The following LIN54 variants were observed in gnomAD, a reference collection of about 807,000 sequenced individuals.
The protein encoded by LIN54 is protein lin-54 homolog.
Under a neutral mutation model 78.7 loss-of-function variants are expected in LIN54, and 9 were observed. That is an observed-to-expected ratio of 0.11 (90% confidence interval 0.07 to 0.20). The LOEUF (loss-of-function observed/expected upper bound fraction) is 0.20, where lower values mean the gene tolerates loss of function less well. Ranked by LOEUF, LIN54 falls within the 10% of genes least tolerant of loss-of-function variation. The pLI is 1.00. For missense variants in LIN54, 573 were observed against 889.9 expected (o/e 0.64, Z 4.53); for synonymous variants, 269 against 318.4 (o/e 0.84, Z 1.65).
intron 1 of LIN54, among the ~76,000 whole-genome samples, chr4:83,004,536 CTAGAGTGCAAT>C (rs1433410991): frequency 6.9e-6 from 1 of 143,894 alleles, no homozygotes; most frequent in Non-Finnish European, 1.6e-5. Context: ...TGTCGTCAGG[CTAGAGTGCAAT>C]GCCAAGATCA....
chr4:83,007,239 A>C (rs916103315), intron 1 of LIN54, among the ~76,000 whole-genome samples: 2 of 152,204 alleles, frequency 1.3e-5, no homozygotes, highest in African/African-American at 4.8e-5. Flanking sequence ...TCACATACTC[A>C]ATGAATAGGG....
intron 1 of LIN54, among the ~76,000 whole-genome samples, chr4:82,989,466 T>C (rs1163807542): frequency 6.6e-6 from 1 of 152,192 alleles, no homozygotes; most frequent in African/African-American, 2.4e-5. Context: ...CCACTCACAA[T>C]GTCACACTAG....
chr4:82,959,800 C>G (rs1724643180), intron 4 of LIN54, among the ~76,000 whole-genome samples: 1 of 152,056 alleles, frequency 6.6e-6, no homozygotes, highest in African/African-American at 2.4e-5. Context: ...AAACATTGTT[C>G]TCACAGATAA....
At chr4:83,000,905 C>G (rs1330605489) in intron 1 of LIN54, among the ~76,000 whole-genome samples, 1 of 146,018 alleles carries the variant, frequency 6.8e-6, no homozygotes, top group Non-Finnish European at 1.5e-5. Flanking sequence ...GCAACCTCTG[C>G]CTCCCAGGTT....
intron 4 of LIN54, among the ~76,000 whole-genome samples, chr4:82,962,578 T>C (rs1281478628): frequency 6.6e-6 from 1 of 151,814 alleles, no homozygotes; most frequent in African/African-American, 2.4e-5. Context: ...ATAAAAGGAA[T>C]TTCAGCAGAG....
chr4:82,995,509 T>TG (rs1728128043), intron 1 of LIN54, among the ~76,000 whole-genome samples: 1 of 141,076 alleles, frequency 7.1e-6, no homozygotes, highest in Non-Finnish European at 1.5e-5. Flanking sequence ...TTTTTTTTTT[T>TG]TTTTGGGATG....
chr4:82,970,596 A>C (rs1168785107), intron 3 of LIN54, 127 bp from the exon 4 acceptor site: 4 of 829,578 alleles, frequency 4.8e-6, no homozygotes, highest in Non-Finnish European at 7.5e-6. Flanking sequence ...ACACTTAATG[A>C]GGCACTAATG....
upstream of LIN54, chr4:83,011,986 G>C (rs1729880610): frequency 2.0e-6 from 2 of 978,296 alleles, no homozygotes; most frequent in East Asian, 1.1e-4. Context: ...TAAGGTTGAA[G>C]TTGAAGTTGA....
rs765521341 is a variant in LIN54 at position 82,984,693 on chromosome 4, T to A, written c.152A>T (p.Asn51Ile). 3.1e-6 allele frequency: 5 copies of A among 1,614,160 alleles called. No homozygotes were observed. In the South Asian group the frequency reaches 4.4e-5, roughly 14 times the overall value. ...ETELEEIVNI[N>I]STGDSTATPI... Reference sequence around the variant, plus strand: ...CGTGGCTGTAGAGTCACCAGTAGAATTTATGTTGACAATTTCTTCCAGTTC... The same window carrying A: ...CGTGGCTGTAGAGTCACCAGTAGAAATTATGTTGACAATTTCTTCCAGTTC... Residue 51 changes from asparagine (N) to isoleucine (I), a missense_variant, in exon 2 of 13, where the codon AAT becomes ATT. By Grantham distance (149) the Asn-to-Ile change is moderately radical. Around this residue, in one of 6 missense-constraint regions of LIN54, gnomAD observed 183 missense variants for 228.4 expected, o/e 0.80. Coordinates refer to ENST00000340417, the MANE Select transcript of LIN54 (RefSeq NM_194282.4).
chr4:82,979,939 CAAAAAAAAAAA>C (rs70943176), intron 2 of LIN54, among the ~76,000 whole-genome samples: 37 of 49,852 alleles, frequency 7.4e-4, no homozygotes, highest in African/African-American at 2.5e-3. Context: ...GACTCTGTCT[CAAAAAAAAAAA>C]AAAAAAAAAA....
At chr4:83,008,222 T>C (rs1204569975) in intron 1 of LIN54, among the ~76,000 whole-genome samples, 1 of 152,240 alleles carries the variant, frequency 6.6e-6, no homozygotes, top group Non-Finnish European at 1.5e-5. Flanking sequence ...CCCACTGAAT[T>C]GATCCTTCCA....
At chr4:82,985,421 T>A (rs1727039098) in intron 1 of LIN54, among the ~76,000 whole-genome samples, 1 of 152,216 alleles carries the variant, frequency 6.6e-6, no homozygotes, top group Non-Finnish European at 1.5e-5. Context: ...GAGTAATACA[T>A]CTCAGCAATT....
rs1722468000 is a variant in LIN54, at chr4:82,937,312, A to G, written c.1533-14T>C. On this transcript the variant is annotated splice_polypyrimidine_tract_variant and intron_variant, in intron 8 of 12. Coordinates refer to ENST00000340417, the MANE Select transcript of LIN54 (RefSeq NM_194282.4). ...GATGGGATTATGCTGTACAGATAGA[A>G]AAAAAGATATACATTTAATCAATTA... 7 of 1,529,290 alleles carry G rather than the reference A, an allele frequency of 4.6e-6. No individual in the cohort carries two copies. In the East Asian group the frequency reaches 1.6e-4, roughly 35 times the overall value. 94.7% of individuals were successfully genotyped at this position (1,529,290 alleles called of 1,614,324 possible). A position where few individuals can be genotyped will look rare whatever the true frequency, so the allele number is the denominator to read the frequency against.
At chr4:82,978,785 T>C (rs1726379932) in intron 3 of LIN54, 98 bp downstream of exon 3, 1 of 688,850 alleles carries the variant, frequency 1.5e-6, no homozygotes, top group East Asian at 2.9e-5. Context: ...TAATAAGCTA[T>C]ATTTGTTACA....
chr4:83,002,468 G>GAGGAGGGA (rs1728947357), intron 1 of LIN54, among the ~76,000 whole-genome samples: 2 of 146,584 alleles, frequency 1.4e-5, no homozygotes, highest in Non-Finnish European at 3.0e-5. Context: ...AGGAAGGAGG[G>GAGGAGGGA]AGGAGGGAAG....
chr4:82,977,395 C>T (rs1399712800), intron 3 of LIN54, among the ~76,000 whole-genome samples: 1 of 152,162 alleles, frequency 6.6e-6, no homozygotes, highest in Non-Finnish European at 1.5e-5. Flanking sequence ...CCCCTGCCTC[C>T]CATGACATCT....
At chr4:82,958,423 A>C (rs964412857) in intron 4 of LIN54, among the ~76,000 whole-genome samples, 2 of 152,188 alleles carry the variant, frequency 1.3e-5, no homozygotes, top group African/African-American at 4.8e-5. Context: ...GGTCTGGTTC[A>C]TAAAAGCTTC....
upstream of LIN54, chr4:83,011,873 A>G (rs1729874396): frequency 4.2e-6 from 1 of 236,644 alleles, no homozygotes; most frequent in African/African-American, 2.3e-5. Context: ...AACCATCCAA[A>G]AGCTGAATTC....
chr4:82,962,009 T>C (rs181642091), intron 4 of LIN54, among the ~76,000 whole-genome samples: 143 of 151,964 alleles, frequency 9.4e-4, no homozygotes, highest in African/African-American at 3.3e-3. Context: ...ACACAAAGTA[T>C]GACCAGGCCT....
Sources: allele counts gnomAD v4.1 joint callset (sites outside exome capture counted in the v4.1 genomes callset), GRCh38; gene constraint gnomAD v4.1.1; regional missense constraint gnomAD v4.1.1; transcripts MANE v1.5; gene names NCBI Gene and HGNC (gene_info 2026-07-23, HGNC 2026-07-21).